The following SLC7A2 variants were observed in gnomAD, a reference collection of about 807,000 sequenced individuals.
SLC7A2 encodes cationic amino acid transporter 2.
Under a neutral mutation model 58.9 loss-of-function variants are expected in SLC7A2, and 48 were observed. The observed-to-expected ratio is 0.82, with a 90% CI of 0.65 to 1.04. The LOEUF is 1.04. Among genes scored for constraint, SLC7A2 ranks in the 50% least tolerant of loss-of-function variants. SLC7A2 has a pLI of 0.00. For synonymous variants in SLC7A2, 363 were observed against 314.5 expected (o/e 1.15, Z -1.63); for missense variants, 1,029 against 818.8 (o/e 1.26, Z -3.13).
chr8:17,555,232 CAT>C (rs1164360488), intron 8 of SLC7A2: 65 of 708,384 alleles, frequency 9.2e-5, no homozygotes, highest in Middle Eastern at 5.3e-4. Context: ...TTGGGATTAA[CAT>C]GTGAAAATTG....
At chr8:17,530,761 C>T (rs1473437102) in intron 2 of SLC7A2, among the ~76,000 whole-genome samples, 4 of 151,586 alleles carry the variant, frequency 2.6e-5, no homozygotes, top group Admixed American at 6.6e-5. Context: ...TTAGTAGAGA[C>T]GGGTTTCGCC....
At chr8:17,532,229 C>CAAAAAAA (rs534441508) in intron 2 of SLC7A2, among the ~76,000 whole-genome samples, 15 of 46,202 alleles carry the variant, frequency 3.2e-4, no homozygotes, top group South Asian at 1.9e-3. Context: ...GACTCTATCT[C>CAAAAAAA]AAAAAAAAAA....
At chr8:17,510,636 G>A (rs1800565574) in intron 2 of SLC7A2, 1 of 152,128 alleles carries the variant, frequency 6.6e-6, no homozygotes, top group Non-Finnish European at 1.5e-5. Flanking sequence ...GTCTTCCTTT[G>A]ATAAGTGTCT....
At chr8:17,538,495 C>G (rs1801768295) in intron 2 of SLC7A2, among the ~76,000 whole-genome samples, 1 of 152,164 alleles carries the variant, frequency 6.6e-6, no homozygotes, top group Admixed American at 6.5e-5. Flanking sequence ...ATGTGATAGT[C>G]TTTTATCCTA....
intron 7 of SLC7A2, among the ~76,000 whole-genome samples, 155 bp downstream of exon 7, chr8:17,552,141 AT>A (rs1261979437): frequency 6.6e-6 from 1 of 152,206 alleles, no homozygotes; most frequent in Non-Finnish European, 1.5e-5. Context: ...GAATTTCCAC[AT>A]AAAAATCTTA....
Position 17,566,379 on chromosome 8 carries a change from G to A in SLC7A2, c.*1233G>A, listed in dbSNP as rs1462326098. On this transcript the variant is annotated 3_prime_UTR_variant, in exon 13 of 13. Transcript: ENST00000494857. The stretch of plus-strand genomic sequence containing the variant: ...CCTGTTCCATTGTTAAATGGCAAAT[G>A]GCCCAATTTAAGGGCTTTGGATCTA... 2 of 152,110 alleles carry A rather than the reference G, an allele frequency of 1.3e-5. No homozygotes were observed. Among genetic ancestry groups the A allele is most frequent in the African/African-American group, 4.8e-5 (2 of 41,432 alleles). The allele number at this position is 152,110 out of a possible 1,614,324, so 9.4% of individuals were successfully genotyped here.
intron 10 of SLC7A2, 28 bp downstream of exon 10, chr8:17,560,561 A>G (rs377493199): frequency 3.5e-5 from 54 of 1,562,814 alleles, no homozygotes; most frequent in Non-Finnish European, 4.5e-5. Flanking sequence ...CTTACATTGT[A>G]CAGACCCAGA....
intron 2 of SLC7A2, among the ~76,000 whole-genome samples, chr8:17,507,280 A>G (rs528664007): frequency 2.0e-5 from 3 of 152,286 alleles, no homozygotes; most frequent in Non-Finnish European, 4.4e-5. Flanking sequence ...CAGTACAATT[A>G]CAACTTAACA....
chr8:17,505,365 A>C (rs1800322862), intron 2 of SLC7A2, among the ~76,000 whole-genome samples: 1 of 152,194 alleles, frequency 6.6e-6, no homozygotes, highest in Admixed American at 6.5e-5. Context: ...TTGCTGAAGA[A>C]GACCGCTTAT....
At chr8:17,555,131 ATT>A in intron 8 of SLC7A2, 1 of 1,572,022 alleles carries the variant, frequency 6.4e-7, no homozygotes. Context: ...GGAACATTTA[ATT>A]CGCATGCATG....
chr8:17,533,234 G>A (rs1052609178), intron 2 of SLC7A2, among the ~76,000 whole-genome samples: 3 of 152,148 alleles, frequency 2.0e-5, no homozygotes. Context: ...AGAAGCTAAC[G>A]ATAAAAATCT....
At chr8:17,546,512 A>G (rs976025207) in intron 4 of SLC7A2, among the ~76,000 whole-genome samples, 3 of 152,100 alleles carry the variant, frequency 2.0e-5, no homozygotes, top group African/African-American at 7.2e-5. Context: ...CCGGTGGGAG[A>G]TGAGACCTCA....
At position 17,570,560 on chromosome 8, in the gene SLC7A2, G is replaced by A. The variant is rs578135741; in HGVS notation, c.*5414G>A. On this transcript the variant is annotated 3_prime_UTR_variant, in exon 13 of 13. Coordinates refer to ENST00000494857, the MANE Select transcript of SLC7A2 (RefSeq NM_001370338.1). ...GTATTTTTAAAATAAATTTTAATAT[G>A]TAATAATATAGAATGCAGATGTTAC... is the stretch of plus-strand genomic sequence containing the variant. 6.7e-4 allele frequency: 103 copies of A among 152,628 alleles called. No individual in the cohort carries two copies. The highest frequency in any genetic ancestry group is 1.3e-3 in the Non-Finnish European group (86 of 68,014). The allele number at this position is 152,628 out of a possible 1,614,324, so 9.5% of individuals were successfully genotyped here.
Position 17,570,276 on chromosome 8 carries a change from G to A in SLC7A2, c.*5130G>A, listed in dbSNP as rs146522397. ...CCTAGGAGTGTCCAGTTGTTTTATT[G>A]CTGTATTTTGTTATTGCAGTACTTA... is the stretch of plus-strand genomic sequence containing the variant. On this transcript the variant is annotated 3_prime_UTR_variant, in exon 13 of 13. Coordinates refer to ENST00000494857, the MANE Select transcript of SLC7A2 (RefSeq NM_001370338.1). 1 of 152,300 alleles carries A rather than the reference G, an allele frequency of 6.6e-6. No individual in the cohort carries two copies. The highest frequency in any genetic ancestry group is 1.5e-5 in the Non-Finnish European group (1 of 68,026). The allele number at this position is 152,300 out of a possible 1,614,324, so 9.4% of individuals were successfully genotyped here.
In SLC7A2 at chr8:17,569,472, G is replaced by C. The variant is rs540118531; in HGVS notation, c.*4326G>C. On this transcript the variant is annotated 3_prime_UTR_variant, in exon 13 of 13. Transcript: ENST00000494857. ...TTCGCGTAGCAATAATGCCAGCAAA[G>C]GTCATTTTCATTTTTTAGTCATATA... 3.9e-5 allele frequency: 6 copies of C among 152,176 alleles called. No individual in the cohort carries two copies. In the South Asian group the frequency reaches 1.2e-3, roughly 32 times the overall value. 9.4% of individuals were successfully genotyped at this position (152,176 alleles called of 1,614,324 possible). A position where few individuals can be genotyped will look rare whatever the true frequency, so the allele number is the denominator to read the frequency against.
chr8:17,528,025 C>G (rs539364909), intron 2 of SLC7A2, among the ~76,000 whole-genome samples: 1 of 151,904 alleles, frequency 6.6e-6, no homozygotes, highest in Admixed American at 6.6e-5. Context: ...GCCATCCAGG[C>G]GAAGAGGGGA....
intron 10 of SLC7A2, among the ~76,000 whole-genome samples, chr8:17,561,324 G>T (rs971566053): frequency 3.3e-5 from 5 of 152,106 alleles, no homozygotes. Context: ...AAGGCGAAAG[G>T]CACATCTTAA....
At chr8:17,517,095 A>G (rs191671809) in intron 2 of SLC7A2, among the ~76,000 whole-genome samples, 44 of 152,286 alleles carry the variant, frequency 2.9e-4, no homozygotes, top group African/African-American at 8.9e-4. Context: ...TATGGATCCA[A>G]TATCTCTGCT....
intron 8 of SLC7A2, chr8:17,555,172 C>A: frequency 8.5e-7 from 1 of 1,179,738 alleles, no homozygotes; most frequent in African/African-American, 1.6e-5. Flanking sequence ...GCATGCTGTG[C>A]ATGTAAGTTA....
Sources: allele counts gnomAD v4.1 joint callset (sites outside exome capture counted in the v4.1 genomes callset), GRCh38; gene constraint gnomAD v4.1.1; transcripts MANE v1.5; gene names NCBI Gene and HGNC (gene_info 2026-07-23, HGNC 2026-07-21).